Variants in TAF2 observed in about 807,000 individuals in gnomAD.
TAF2 encodes the protein transcription initiation factor TFIID subunit 2.
Under a neutral mutation model 138.5 loss-of-function variants are expected in TAF2, and 61 were observed. The ratio of observed to expected loss-of-function variants is 0.44; its 90% CI spans 0.36 to 0.54. The LOEUF is 0.54. TAF2 is among the 20% of genes least tolerant of loss of function. The pLI, the probability that TAF2 is intolerant of heterozygous loss-of-function variation, is 0.00. For synonymous variants in TAF2, 475 were observed against 469.9 expected (o/e 1.01, Z -0.14); for missense variants, 1,090 against 1,427.9 (o/e 0.76, Z 3.81).
At chr8:119,764,054 C>CAGG (rs78558777) in intron 18 of TAF2, among the ~76,000 whole-genome samples, 67,071 of 150,724 alleles carry the variant, frequency 0.44, 15,299 homozygotes, top group Admixed American at 0.54. Context: ...GCGGCTGAAG[C>CAGG]AGAACTGCTT....
intron 3 of TAF2, among the ~76,000 whole-genome samples, chr8:119,807,345 G>A (rs1285835469): frequency 6.6e-6 from 1 of 152,172 alleles, no homozygotes; most frequent in Non-Finnish European, 1.5e-5. Flanking sequence ...ACGTGAAAAT[G>A]TTGTTCTCAA....
chr8:119,748,222 C>A (rs1820115457), intron 22 of TAF2, among the ~76,000 whole-genome samples: 1 of 151,730 alleles, frequency 6.6e-6, no homozygotes, highest in South Asian at 2.1e-4. Flanking sequence ...AAGAGTACCA[C>A]ATTTAAAAAG....
intron 18 of TAF2, among the ~76,000 whole-genome samples, chr8:119,777,575 T>C (rs1047712759): frequency 6.8e-6 from 1 of 147,616 alleles, no homozygotes; most frequent in Non-Finnish European, 1.5e-5. Flanking sequence ...ATTTGCTAAA[T>C]AAATGAATAA....
rs1331333483 is a variant in TAF2 at position 119,797,012 on chromosome 8, A to C, written c.1069T>G (p.Cys357Gly). ...CACCAAGACATTCTAGATATGAAAC[A>C]ACCAAAAAACTGCTGGGCCAAGGAT... Reference protein sequence around the residue: ...AQSLAQQFFGCFISRMSWSDE... With the variant: ...AQSLAQQFFGGFISRMSWSDE... The change falls in exon 8 of 26, where the codon TGT becomes GGT. Residue 357 changes from cysteine to glycine, a missense_variant. Physicochemically the swap from Cys to Gly is radical, Grantham distance 159 (BLOSUM62 -3). Coordinates refer to ENST00000378164, the MANE Select transcript of TAF2 (RefSeq NM_003184.4). 3.7e-6 allele frequency: 6 copies of C among 1,613,104 alleles called. No individual in the cohort carries two copies. In the African/African-American group the frequency reaches 4.0e-5, roughly 11 times the overall value.
Position 119,746,853 on chromosome 8 carries a change from A to G in TAF2, c.2960T>C (p.Leu987Ser), listed in dbSNP as rs1469473561. ...TLFGLSRPSCLPLPELGLVLN... is the reference protein window; with the variant it reads ...TLFGLSRPSCSPLPELGLVLN... ...AACCAACCCAAGCTCTGGCAAGGGTAAACAGGAAGGTCTACTGAGGCCAAA... is the reference window on the plus strand; with the variant it reads ...AACCAACCCAAGCTCTGGCAAGGGTGAACAGGAAGGTCTACTGAGGCCAAA... Residue 987 changes from leucine (L) to serine (S), a missense_variant, in exon 23 of 26, where the codon TTA becomes TCA. Transcript: ENST00000378164. The G allele has an allele frequency of 6.2e-7, 1 of 1,614,178 alleles. No individual in the cohort carries two copies. The highest frequency in any genetic ancestry group is 8.5e-7 in the Non-Finnish European group (1 of 1,180,022).
intron 25 of TAF2, among the ~76,000 whole-genome samples, chr8:119,739,239 C>T (rs971089999): frequency 1.3e-5 from 2 of 151,972 alleles, no homozygotes; most frequent in African/African-American, 4.8e-5. Flanking sequence ...GTCCAGTCAC[C>T]TCAAGCTCTG....
Position 119,732,037 on chromosome 8 carries a change from G to C in TAF2, c.3487C>G (p.His1163Asp). Reference sequence around the variant, plus strand: ...TGCTTATGCTTGTGTTTGTGCTTATGTTTATGCTTCTTCTTCTTTTTCTTG... The same window carrying C: ...TGCTTATGCTTGTGTTTGTGCTTATCTTTATGCTTCTTCTTCTTTTTCTTG... Reference protein sequence around the residue: ...EHKKKKKKHKHKHKHKHKHDS... With the variant: ...EHKKKKKKHKDKHKHKHKHDS... Residue 1163 changes from histidine to aspartate, a missense_variant, in exon 26 of 26, where the codon CAT becomes GAT. Transcript: ENST00000378164. 6.2e-7 allele frequency: 1 copy of C among 1,614,160 alleles called. No homozygotes were observed. The highest frequency in any genetic ancestry group is 8.5e-7 in the Non-Finnish European group (1 of 1,180,012).
chr8:119,771,455 T>G (rs1208381581), intron 18 of TAF2, among the ~76,000 whole-genome samples: 1 of 151,896 alleles, frequency 6.6e-6, no homozygotes, highest in African/African-American at 2.4e-5. Context: ...AGGCTGATCT[T>G]GTACTCCTGA....
intron 2 of TAF2, among the ~76,000 whole-genome samples, chr8:119,828,910 C>T (rs368814004): frequency 3.7e-4 from 56 of 152,296 alleles, no homozygotes; most frequent in African/African-American, 1.3e-3. Flanking sequence ...CCTCTGCCAG[C>T]GTAGCTCCAA....
At chr8:119,830,173 C>T (rs941955003) in intron 2 of TAF2, among the ~76,000 whole-genome samples, 4 of 152,114 alleles carry the variant, frequency 2.6e-5, no homozygotes, top group African/African-American at 9.7e-5. Context: ...GCTGGGACTA[C>T]AGGTGTGAGC....
At chr8:119,816,893 C>T (rs1825513173) in intron 3 of TAF2, among the ~76,000 whole-genome samples, 1 of 152,198 alleles carries the variant, frequency 6.6e-6, no homozygotes, top group Non-Finnish European at 1.5e-5. Context: ...ATGCGAATTT[C>T]ATTAGCTACT....
At chr8:119,828,032 T>C (rs1826213505) in intron 2 of TAF2, among the ~76,000 whole-genome samples, 1 of 151,938 alleles carries the variant, frequency 6.6e-6, no homozygotes, top group South Asian at 2.1e-4. Flanking sequence ...CGTGAGCCAC[T>C]GCGCCTGGCC....
intron 3 of TAF2, among the ~76,000 whole-genome samples, chr8:119,815,724 C>T (rs1825417248): frequency 6.6e-6 from 1 of 152,054 alleles, no homozygotes; most frequent in Non-Finnish European, 1.5e-5. Context: ...AAGAGAAGTA[C>T]AGCAAAAACA....
At chr8:119,734,300 A>C (rs1451560626) in intron 25 of TAF2, among the ~76,000 whole-genome samples, 1 of 152,128 alleles carries the variant, frequency 6.6e-6, no homozygotes, top group African/African-American at 2.4e-5. Flanking sequence ...ACTAGCTAAG[A>C]AAAAAGAAAA....
chr8:119,739,133 T>C lies in TAF2; in HGVS notation c.3337+3401A>G, dbSNP rs1819428663. 2.6e-5 allele frequency among the ~76,000 whole-genome samples: 4 copies of C among 151,980 alleles called. No individual in the cohort carries two copies. The South Asian group carries it at 8.3e-4, about 32-fold the overall frequency. On this transcript the variant is annotated intron_variant, in intron 25 of 25. Transcript: ENST00000378164. ...CAGCTGCAGAAACTCTCCGCTTCTT[T>C]CCCACAAAAACCACTAGGGAATTCC...
rs375789805 is a variant in TAF2 at position 119,732,065 on chromosome 8, C to G, written c.3459G>C (p.Glu1153Asp). The change falls in exon 26 of 26, where the codon GAG becomes GAC. Residue 1153 changes from glutamate (E) to aspartate (D), a missense_variant. Physicochemically the swap from Glu to Asp is conservative, Grantham distance 45. This residue lies in a region of TAF2 where 580 missense variants were observed against 719.6 expected (regional missense o/e 0.81). Coordinates refer to ENST00000378164, the MANE Select transcript of TAF2 (RefSeq NM_003184.4). ...HSDHHHHHHH[E>D]HKKKKKKHKH... ...TATGCTTCTTCTTCTTTTTCTTGTG[C>G]TCATGGTGATGGTGGTGATGGTGGT... 2 of 1,614,112 alleles carry G rather than the reference C, an allele frequency of 1.2e-6. No individual in the cohort carries two copies. The highest frequency in any genetic ancestry group is 2.7e-5 in the African/African-American group (2 of 75,044).
At chr8:119,732,857 C>T (rs1272141384) in intron 25 of TAF2, among the ~76,000 whole-genome samples, 1 of 152,076 alleles carries the variant, frequency 6.6e-6, no homozygotes, top group Non-Finnish European at 1.5e-5. Flanking sequence ...ACATAACTCA[C>T]TCAATTACAT....
At chr8:119,828,308 C>A (rs1378154535) in intron 2 of TAF2, among the ~76,000 whole-genome samples, 1 of 152,170 alleles carries the variant, frequency 6.6e-6, no homozygotes, top group African/African-American at 2.4e-5. Context: ...GTTGAGGCTG[C>A]CCCTTGACCA....
At chr8:119,789,511 A>G (rs1390230936) in intron 12 of TAF2, 81 bp downstream of exon 12, 11 of 1,542,770 alleles carry the variant, frequency 7.1e-6, no homozygotes, top group Non-Finnish European at 9.8e-6. Context: ...GTCCCCCTCA[A>G]ACCTCTCTTC....
Sources: allele counts gnomAD v4.1 joint callset (sites outside exome capture counted in the v4.1 genomes callset), GRCh38; gene constraint gnomAD v4.1.1; regional missense constraint gnomAD v4.1.1; transcripts MANE v1.5; gene names NCBI Gene and HGNC (gene_info 2026-07-23, HGNC 2026-07-21).